The following UNC13B variants were observed in gnomAD, a reference collection of about 807,000 sequenced individuals.
UNC13B encodes the protein protein unc-13 homolog B.
Under a neutral mutation model 211.0 loss-of-function variants are expected in UNC13B, and 144 were observed. The ratio of observed to expected loss-of-function variants is 0.68; its 90% CI spans 0.60 to 0.78. The LOEUF (loss-of-function observed/expected upper bound fraction) is 0.78. Among genes scored for constraint, UNC13B ranks in the 30% least tolerant of loss-of-function variants. The probability of loss-of-function intolerance (pLI) is 0.00; values close to 1 mark genes in which losing one functional copy is unlikely to be tolerated. For synonymous variants in UNC13B, 709 were observed against 725.8 expected (o/e 0.98, Z 0.37); for missense variants, 1,777 against 2,002.0 (o/e 0.89, Z 2.14).
chr9:35,344,123 G>A (rs912099648), intron 11 of UNC13B, among the ~76,000 whole-genome samples: 9 of 152,036 alleles, frequency 5.9e-5, no homozygotes, highest in African/African-American at 2.2e-4. Context: ...GTAGGGGATG[G>A]GAGCCCTGTC....
intron 26 of UNC13B, among the ~76,000 whole-genome samples, chr9:35,390,927 G>T (rs1170569697): frequency 6.6e-6 from 1 of 152,204 alleles, no homozygotes; most frequent in Non-Finnish European, 1.5e-5. Flanking sequence ...TGTGGATGTA[G>T]CTTCCTCCTT....
intron 11 of UNC13B, chr9:35,352,398 T>C (rs2132071518): frequency 1.6e-6 from 2 of 1,232,182 alleles, no homozygotes; most frequent in Admixed American, 4.2e-5. Flanking sequence ...AAATCCATCC[T>C]CTTGCAGAAT....
intron 3 of UNC13B, among the ~76,000 whole-genome samples, chr9:35,234,017 G>C (rs1288919867): frequency 6.6e-6 from 1 of 152,176 alleles, no homozygotes; most frequent in Admixed American, 6.5e-5. Context: ...TTCAAGTCAA[G>C]CTGTTGAAGA....
At chr9:35,233,547 GAACTT>G (rs1825326334) in intron 3 of UNC13B, among the ~76,000 whole-genome samples, 1 of 152,046 alleles carries the variant, frequency 6.6e-6, no homozygotes, top group Non-Finnish European at 1.5e-5. Context: ...ACTCCTTGCA[GAACTT>G]AGTCTACTAC....
intron 1 of UNC13B, among the ~76,000 whole-genome samples, chr9:35,216,104 G>A (rs1179468196): frequency 6.6e-6 from 1 of 152,140 alleles, no homozygotes; most frequent in Non-Finnish European, 1.5e-5. Flanking sequence ...TTAATGTATT[G>A]TATCTGTTAA....
chr9:35,250,727 C>T (rs1826414952), intron 6 of UNC13B, among the ~76,000 whole-genome samples: 1 of 152,148 alleles, frequency 6.6e-6, no homozygotes, highest in South Asian at 2.1e-4. Context: ...AACTGATAGA[C>T]TGCCAGCCTA....
At chr9:35,284,030 C>G (rs1325066587) in intron 7 of UNC13B, among the ~76,000 whole-genome samples, 1 of 152,102 alleles carries the variant, frequency 6.6e-6, no homozygotes, top group Non-Finnish European at 1.5e-5. Context: ...GAGGCTGAGG[C>G]CGGGGGATCA....
intron 1 of UNC13B, among the ~76,000 whole-genome samples, chr9:35,164,752 A>C (rs771843472): frequency 6.6e-6 from 1 of 152,282 alleles, no homozygotes; most frequent in African/African-American, 2.4e-5. Context: ...GCCTATCTAA[A>C]ATGTATTCTT....
intron 11 of UNC13B, chr9:35,342,241 G>GA (rs1423784699): frequency 5.1e-6 from 5 of 985,590 alleles, no homozygotes; most frequent in Non-Finnish European, 6.0e-6. Flanking sequence ...GCTCCTGGAT[G>GA]GATTTCCTCT....
chr9:35,320,436 T>C (rs939061693), intron 11 of UNC13B, among the ~76,000 whole-genome samples: 2 of 152,164 alleles, frequency 1.3e-5, no homozygotes, highest in African/African-American at 4.8e-5. Context: ...TTAAGAGTGG[T>C]TTTCTCTTTC....
chr9:35,400,257 A>G, intron 36 of UNC13B, 39 bp from the exon 37 acceptor site: 2 of 1,604,842 alleles, frequency 1.2e-6, no homozygotes, highest in Non-Finnish European at 1.7e-6. Context: ...GCTTTCTGTA[A>G]GGGGATGAAG....
intron 7 of UNC13B, among the ~76,000 whole-genome samples, chr9:35,272,335 G>A (rs992411793): frequency 2.7e-5 from 4 of 146,126 alleles, no homozygotes; most frequent in Non-Finnish European, 6.0e-5. Context: ...TTGGGTCACT[G>A]CAACCTTTGC....
chr9:35,375,061 C>G (rs1587722792), intron 13 of UNC13B, 66 bp from the exon 14 acceptor site: 1 of 1,563,654 alleles, frequency 6.4e-7, no homozygotes, highest in Non-Finnish European at 8.8e-7. Context: ...GTCACTGAAG[C>G]TCCCTCCCCC....
At position 35,262,626 on chromosome 9, in the gene UNC13B, T is replaced by C. The variant is rs1302923308; in HGVS notation, c.526+3576T>C. Reference sequence around the variant, plus strand: ...AACCACCGCACTTGGCCTAGTCTTCTTTAATATAATAAAAAAAAATCTGGC... The same window carrying C: ...AACCACCGCACTTGGCCTAGTCTTCCTTAATATAATAAAAAAAAATCTGGC... On this transcript the variant is annotated intron_variant, in intron 7 of 39. Coordinates refer to ENST00000635942, the MANE Select transcript of UNC13B (RefSeq NM_001371189.2). 2.0e-5 allele frequency among the ~76,000 whole-genome samples: 3 copies of C among 152,078 alleles called. No homozygotes were observed. In the East Asian group the frequency reaches 5.8e-4, roughly 29 times the overall value.
chr9:35,282,171 A>G (rs1429413306), intron 7 of UNC13B, among the ~76,000 whole-genome samples: 1 of 152,210 alleles, frequency 6.6e-6, no homozygotes, highest in African/African-American at 2.4e-5. Context: ...CAACTTTATA[A>G]AACAAATGTT....
rs893693113 is a variant in UNC13B, at chr9:35,385,450, G to T, written c.10876-274G>T. ...TTTGTGTGTGCCTGTGTGTTCCTTT[G>T]TACAAGTGCTTATACATTGCATGGG... On this transcript the variant is annotated intron_variant, in intron 22 of 39. Coordinates refer to ENST00000635942, the MANE Select transcript of UNC13B (RefSeq NM_001371189.2). 3 of 985,432 alleles carry T rather than the reference G, an allele frequency of 3.0e-6. No homozygotes were observed. The highest frequency in any genetic ancestry group is 3.6e-6 in the Non-Finnish European group (3 of 829,932). 61.0% of individuals were successfully genotyped at this position (985,432 alleles called of 1,614,324 possible).
chr9:35,362,250 A>G (rs1010699198), intron 11 of UNC13B, among the ~76,000 whole-genome samples: 5 of 152,094 alleles, frequency 3.3e-5, no homozygotes, highest in African/African-American at 1.2e-4. Flanking sequence ...GGATAGGGAC[A>G]GAGTGCAGAG....
chr9:35,269,452 C>G (rs2131671519), intron 7 of UNC13B, among the ~76,000 whole-genome samples: 1 of 152,266 alleles, frequency 6.6e-6, no homozygotes, highest in South Asian at 2.1e-4. Flanking sequence ...CTCTAAACCC[C>G]TTTGGCTGGG....
chr9:35,335,404 A>T (rs572474560), intron 11 of UNC13B, among the ~76,000 whole-genome samples: 1 of 152,308 alleles, frequency 6.6e-6, no homozygotes, highest in Non-Finnish European at 1.5e-5. Flanking sequence ...TATGCCCTGA[A>T]GTACAGTCAT....
Sources: allele counts gnomAD v4.1 joint callset (sites outside exome capture counted in the v4.1 genomes callset), GRCh38; gene constraint gnomAD v4.1.1; transcripts MANE v1.5; gene names NCBI Gene and HGNC (gene_info 2026-07-23, HGNC 2026-07-21).